Variants in ITGBL1 observed in about 807,000 individuals in gnomAD.
ITGBL1 encodes integrin beta-like protein 1.
Under a neutral mutation model 68.5 loss-of-function variants are expected in ITGBL1, and 51 were observed. That is an observed-to-expected ratio of 0.74 (90% CI 0.59 to 0.94). ITGBL1 has a LOEUF of 0.94. ITGBL1 is among the 40% of genes least tolerant of loss of function. The pLI is 0.00. For synonymous variants in ITGBL1, 209 were observed against 227.3 expected, an observed-to-expected ratio of 0.92 and a Z score of 0.72; for missense variants, 649 against 647.4, an observed-to-expected ratio of 1.00 and a Z score of -0.03.
chr13:101,582,307 C>T (rs2050471562), intron 5 of ITGBL1, among the ~76,000 whole-genome samples: 2 of 151,770 alleles, frequency 1.3e-5, no homozygotes, highest in South Asian at 4.1e-4. Context: ...AGTAATTGTG[C>T]TTTGGGGTCT....
intron 2 of ITGBL1, among the ~76,000 whole-genome samples, chr13:101,459,619 A>T (rs1426854479): frequency 6.6e-6 from 1 of 152,054 alleles, no homozygotes; most frequent in East Asian, 1.9e-4. Flanking sequence ...GCACACCTGT[A>T]GTCCCAGCTA....
intron 2 of ITGBL1, among the ~76,000 whole-genome samples, chr13:101,462,676 G>A (rs548484827): frequency 1.5e-3 from 229 of 152,200 alleles, no homozygotes; most frequent in African/African-American, 5.2e-3. Flanking sequence ...TCCACCTCCC[G>A]GGGTCAAGTG....
chr13:101,460,533 T>G (rs1326793855), intron 2 of ITGBL1, among the ~76,000 whole-genome samples: 1 of 152,234 alleles, frequency 6.6e-6, no homozygotes, highest in Non-Finnish European at 1.5e-5. Flanking sequence ...GTGCCAAACA[T>G]GCACAGCAAT....
intron 3 of ITGBL1, among the ~76,000 whole-genome samples, chr13:101,570,566 A>G (rs887566846): frequency 6.6e-5 from 10 of 152,260 alleles, no homozygotes; most frequent in Non-Finnish European, 2.9e-5. Context: ...TACAATTTTT[A>G]TTTTATCTGA....
intron 2 of ITGBL1, among the ~76,000 whole-genome samples, chr13:101,525,917 A>G (rs1171411143): frequency 6.6e-6 from 1 of 152,008 alleles, no homozygotes; most frequent in East Asian, 1.9e-4. Flanking sequence ...TATTTTTCCA[A>G]ATCAATATCA....
At chr13:101,503,281 T>G (rs1490372161) in intron 2 of ITGBL1, among the ~76,000 whole-genome samples, 1 of 152,174 alleles carries the variant, frequency 6.6e-6, no homozygotes, top group Non-Finnish European at 1.5e-5. Flanking sequence ...TTGGACTGTT[T>G]GTACTCAGGG....
intron 2 of ITGBL1, among the ~76,000 whole-genome samples, chr13:101,551,894 A>G (rs920179783): frequency 1.3e-5 from 2 of 152,210 alleles, no homozygotes; most frequent in Non-Finnish European, 2.9e-5. Flanking sequence ...CTATCATGAC[A>G]GATTTTCAGA....
rs1469235043 is a variant in ITGBL1 at position 101,715,954 on chromosome 13, T to TG, written c.*303dup. ...CTACAGACAATTTTGATTGTCACACTGGGTCGGGTAGGAAGGTATGCTGCA... is the reference window on the plus strand; with the variant it reads ...CTACAGACAATTTTGATTGTCACACTGGGGTCGGGTAGGAAGGTATGCTGCA... On this transcript the variant is annotated 3_prime_UTR_variant, in exon 11 of 11. Transcript: ENST00000376180. 2 of 323,544 alleles carry TG rather than the reference T, an allele frequency of 6.2e-6. No homozygotes were observed. Among genetic ancestry groups the TG allele is most frequent in the African/African-American group, 4.3e-5 (2 of 46,458 alleles). 20.0% of individuals were successfully genotyped at this position (323,544 alleles called of 1,614,324 possible).
intron 2 of ITGBL1, among the ~76,000 whole-genome samples, chr13:101,501,819 C>T (rs2048947509): frequency 6.6e-6 from 1 of 152,138 alleles, no homozygotes; most frequent in South Asian, 2.1e-4. Flanking sequence ...ACTTTTGGAT[C>T]AGTGGTGAGC....
intron 7 of ITGBL1, among the ~76,000 whole-genome samples, chr13:101,633,636 G>C (rs1411771247): frequency 1.3e-5 from 2 of 152,152 alleles, no homozygotes; most frequent in East Asian, 3.9e-4. Flanking sequence ...CAGTAAGAAT[G>C]GCACGTCACA....
At chr13:101,579,183 G>A in intron 4 of ITGBL1, 104 bp from the exon 5 acceptor site, 1 of 1,195,388 alleles carries the variant, frequency 8.4e-7, no homozygotes, top group Non-Finnish European at 1.2e-6. Context: ...GTGGAGCTGT[G>A]ACAGTATTTC....
At chr13:101,630,628 A>G (rs1031530268) in intron 7 of ITGBL1, among the ~76,000 whole-genome samples, 2 of 152,236 alleles carry the variant, frequency 1.3e-5, no homozygotes, top group African/African-American at 4.8e-5. Flanking sequence ...TTCTACATCT[A>G]TCATCATCTT....
chr13:101,517,768 A>G (rs1346070684), intron 2 of ITGBL1, among the ~76,000 whole-genome samples: 1 of 152,162 alleles, frequency 6.6e-6, no homozygotes, highest in South Asian at 2.1e-4. Context: ...CTTCCTTTCC[A>G]TGAGAATGCA....
intron 7 of ITGBL1, among the ~76,000 whole-genome samples, chr13:101,632,368 C>G (rs891933268): frequency 6.6e-6 from 1 of 152,156 alleles, no homozygotes; most frequent in Non-Finnish European, 1.5e-5. Context: ...CCCTGCACAA[C>G]CACTAGAATG....
intron 2 of ITGBL1, among the ~76,000 whole-genome samples, chr13:101,457,709 G>T (rs9557657): frequency 2.0e-5 from 3 of 152,064 alleles, no homozygotes; most frequent in East Asian, 1.9e-4. Context: ...CCAGCTACTC[G>T]GGAGGCTGAG....
intron 2 of ITGBL1, among the ~76,000 whole-genome samples, chr13:101,529,760 C>T (rs940802621): frequency 1.3e-5 from 2 of 152,142 alleles, no homozygotes; most frequent in African/African-American, 4.8e-5. Context: ...TTTTCTCCTG[C>T]CGCCATAAAA....
chr13:101,512,634 G>T (rs959042350), intron 2 of ITGBL1, among the ~76,000 whole-genome samples: 7 of 152,074 alleles, frequency 4.6e-5, no homozygotes, highest in African/African-American at 1.4e-4. Flanking sequence ...CCTTCCCATG[G>T]GGTGGTTGAC....
At chr13:101,492,889 C>G (rs772760244) in intron 2 of ITGBL1, among the ~76,000 whole-genome samples, 2 of 152,200 alleles carry the variant, frequency 1.3e-5, no homozygotes, top group Non-Finnish European at 2.9e-5. Context: ...TAATCCTAAA[C>G]TTCCTCACTC....
chr13:101,657,491 C>A (rs566012604), intron 7 of ITGBL1, among the ~76,000 whole-genome samples: 1 of 152,224 alleles, frequency 6.6e-6, no homozygotes, highest in African/African-American at 2.4e-5. Flanking sequence ...ATCTTAGTCC[C>A]ATTCTGCATT....
Sources: allele counts gnomAD v4.1 joint callset (sites outside exome capture counted in the v4.1 genomes callset), GRCh38; gene constraint gnomAD v4.1.1; transcripts MANE v1.5; gene names NCBI Gene and HGNC (gene_info 2026-07-23, HGNC 2026-07-21).